EFCAB6: variants seen among roughly 807,000 people sequenced by gnomAD.
The protein encoded by EFCAB6 is EF-hand calcium binding domain 6.
EFCAB6 carries 156 observed loss-of-function variants against 169.8 expected under a neutral mutation model. The observed-to-expected ratio is 0.92, with a 90% CI of 0.81 to 1.05. The LOEUF is 1.05. Among genes scored for constraint, EFCAB6 ranks in the 50% least tolerant of loss-of-function variants. EFCAB6 has a pLI of 0.00. For synonymous variants in EFCAB6, 698 were observed against 676.4 expected (o/e 1.03, Z -0.50); for missense variants, 1,800 against 1,829.1 (o/e 0.98, Z 0.29).
At position 43,796,344 on chromosome 22, in the gene EFCAB6, G is replaced by C. The variant is rs558141281; in HGVS notation, c.-8+12651C>G. Among the ~76,000 whole-genome samples the C allele has an allele frequency of 6.6e-5, 10 of 152,160 alleles. No individual in the cohort carries two copies. The East Asian group carries it at 1.7e-3, about 26-fold the overall frequency. On this transcript the variant is annotated intron_variant, in intron 2 of 31. Coordinates refer to ENST00000262726, the MANE Select transcript of EFCAB6 (RefSeq NM_022785.4). Reference sequence around the variant, plus strand: ...ACCTCCAAAAAATGATGAATGTTAAGTTGAACTAAATTAAGTAATTGTGTT... The same window carrying C: ...ACCTCCAAAAAATGATGAATGTTAACTTGAACTAAATTAAGTAATTGTGTT...
At chr22:43,705,613 G>T (rs1396700217) in intron 10 of EFCAB6, among the ~76,000 whole-genome samples, 1 of 152,068 alleles carries the variant, frequency 6.6e-6, no homozygotes, top group African/African-American at 2.4e-5. Context: ...TAAACAATAT[G>T]CTCTTGAACA....
chr22:43,540,503 C>A (rs77935335), intron 27 of EFCAB6, 146 bp from the exon 28 acceptor site: 1 of 1,535,792 alleles, frequency 6.5e-7, no homozygotes, highest in African/African-American at 1.4e-5. Context: ...AAAAATAAAA[C>A]GCCCATTTGG....
At chr22:43,649,109 G>C (rs553614960) in intron 17 of EFCAB6, among the ~76,000 whole-genome samples, 2 of 152,272 alleles carry the variant, frequency 1.3e-5, no homozygotes, top group South Asian at 4.1e-4. Flanking sequence ...AGCCCGAGGG[G>C]GAAAAAAGTC....
intron 20 of EFCAB6, among the ~76,000 whole-genome samples, chr22:43,625,412 T>C (rs2054431579): frequency 6.6e-6 from 1 of 152,190 alleles, no homozygotes; most frequent in African/African-American, 2.4e-5. Flanking sequence ...TAATAATTGG[T>C]CAAGGAGGAG....
At chr22:43,770,654 G>A (rs2061441215) in intron 4 of EFCAB6, among the ~76,000 whole-genome samples, 2 of 152,090 alleles carry the variant, frequency 1.3e-5, no homozygotes, top group Non-Finnish European at 2.9e-5. Flanking sequence ...AAGAGTCGGT[G>A]AACTTAAAGA....
intron 20 of EFCAB6, among the ~76,000 whole-genome samples, chr22:43,619,008 C>T (rs1160636993): frequency 6.6e-6 from 1 of 151,900 alleles, no homozygotes; most frequent in Non-Finnish European, 1.5e-5. Context: ...GATTTTCTAG[C>T]CAGAAGACCC....
chr22:43,785,079 T>A (rs1261455341), intron 2 of EFCAB6, among the ~76,000 whole-genome samples: 2 of 152,148 alleles, frequency 1.3e-5, no homozygotes, highest in East Asian at 3.9e-4. Flanking sequence ...TCAACAATTA[T>A]AGTTAGAAAC....
chr22:43,535,215 G>A (rs979736159), intron 29 of EFCAB6: 25 of 214,264 alleles, frequency 1.2e-4, no homozygotes, highest in Non-Finnish European at 2.3e-4. Context: ...GTGAGGAGCA[G>A]GGGAAGGTTC....
chr22:43,782,068 G>A, intron 3 of EFCAB6, 112 bp downstream of exon 3: 1 of 1,104,926 alleles, frequency 9.1e-7, no homozygotes, highest in Non-Finnish European at 1.3e-6. Flanking sequence ...AATTCATAGA[G>A]TTATTGTGAG....
At chr22:43,596,889 G>A (rs980529697) in intron 23 of EFCAB6, among the ~76,000 whole-genome samples, 6 of 152,134 alleles carry the variant, frequency 3.9e-5, no homozygotes, top group Non-Finnish European at 7.4e-5. Flanking sequence ...CATTGTACTG[G>A]CATAAAAGCA....
At position 43,537,419 on chromosome 22, in the gene EFCAB6, CCTT is replaced by C; in HGVS notation, c.4003_4005del (p.Lys1335del). ...TTGATGTCCCCCTGTCTGGCCACGTCCTTCTCCTTGCATTCTTTCAGGAGCTGG... is the reference window on the plus strand; with the variant it reads ...TTGATGTCCCCCTGTCTGGCCACGTCCTCCTTGCATTCTTTCAGGAGCTGG... On this transcript the variant is annotated inframe_deletion, in exon 29 of 32. Coordinates refer to ENST00000262726, the MANE Select transcript of EFCAB6 (RefSeq NM_022785.4). The surrounding 1 kb of genome is among the most constrained non-coding windows in gnomAD (Gnocchi z 4.3). 6.2e-7 allele frequency: 1 copy of C among 1,614,152 alleles called. No individual in the cohort carries two copies. The highest frequency in any genetic ancestry group is 8.5e-7 in the Non-Finnish European group (1 of 1,180,018).
At chr22:43,692,380 G>A (rs2058441299) in intron 10 of EFCAB6, among the ~76,000 whole-genome samples, 1 of 152,002 alleles carries the variant, frequency 6.6e-6, no homozygotes, top group Admixed American at 6.6e-5. Context: ...AGAAAAAATT[G>A]AACTCATACT....
chr22:43,590,043 G>A lies in EFCAB6; in HGVS notation c.3032+31C>T, dbSNP rs375857942. The A allele has an allele frequency of 3.5e-5, 56 of 1,598,982 alleles. No homozygotes were observed. The South Asian group carries it at 4.3e-4, about 12-fold the overall frequency. ...TCTCCAGTATGTTTTTCAGGGCCAT[G>A]AGAAACATATTTAACTGAGTCCAAA... On this transcript the variant is annotated intron_variant, in intron 24 of 31. Coordinates refer to ENST00000262726, the MANE Select transcript of EFCAB6 (RefSeq NM_022785.4).
At chr22:43,626,933 G>A (rs2054568577) in intron 19 of EFCAB6, among the ~76,000 whole-genome samples, 1 of 152,158 alleles carries the variant, frequency 6.6e-6, no homozygotes. Context: ...TCAGGGAAAG[G>A]AACAGGCCAC....
At chr22:43,550,791 C>A (rs981986233) in intron 27 of EFCAB6, among the ~76,000 whole-genome samples, 1 of 152,134 alleles carries the variant, frequency 6.6e-6, no homozygotes, top group Non-Finnish European at 1.5e-5. Context: ...AAAAGAGGCC[C>A]TTGCTGTGGG....
In EFCAB6 at chr22:43,529,019, C is replaced by G. The variant is rs371182608; in HGVS notation, c.4384-44G>C. 20 of 1,527,270 alleles carry G rather than the reference C, an allele frequency of 1.3e-5. No homozygotes were observed. In the African/African-American group the frequency reaches 2.5e-4, roughly 19 times the overall value. The allele number at this position is 1,527,270 out of a possible 1,614,324, so 94.6% of individuals were successfully genotyped here. On this transcript the variant is annotated intron_variant, in intron 31 of 31. Transcript: ENST00000262726. ...GGGCCTCTGAGGCTTGTTTGGTGCC[C>G]TAGGTTAAGGAGGCAGGCTGCCAGG...
chr22:43,665,916 T>G (rs935476156), intron 17 of EFCAB6, among the ~76,000 whole-genome samples: 1 of 152,196 alleles, frequency 6.6e-6, no homozygotes, highest in Non-Finnish European at 1.5e-5. Context: ...GCCTCCTGAA[T>G]AGCTGGGATT....
intron 24 of EFCAB6, among the ~76,000 whole-genome samples, chr22:43,586,313 A>G (rs1402946146): frequency 7.6e-6 from 1 of 130,900 alleles, no homozygotes; most frequent in Non-Finnish European, 1.6e-5. Context: ...CTCTAAATGT[A>G]TACTGTAAAC....
intron 26 of EFCAB6, among the ~76,000 whole-genome samples, chr22:43,573,775 A>T (rs913346494): frequency 3.3e-5 from 5 of 151,798 alleles, no homozygotes; most frequent in African/African-American, 1.2e-4. Context: ...CAAACATGCC[A>T]AAGTATTAAT....
Sources: gnomAD v4.1 joint callset for allele counts (sites outside exome capture counted in the v4.1 genomes callset) on GRCh38, gnomAD v4.1.1 for gene constraint, Gnocchi (gnomAD v3.1) non-coding constraint, MANE v1.5 for transcripts, NCBI Gene and HGNC (gene_info 2026-07-23, HGNC 2026-07-21) for gene names.